KDM2A: variants seen among roughly 807,000 people sequenced by gnomAD.
KDM2A encodes lysine-specific demethylase 2A.
A neutral mutation model predicts 137.3 loss-of-function variants in KDM2A; 3 were observed. That is an observed-to-expected ratio of 0.02 (90% CI 0.01 to 0.06). The LOEUF (loss-of-function observed/expected upper bound fraction) is 0.06, where lower values mean the gene tolerates loss of function less well. KDM2A is among the 10% of genes least tolerant of loss of function. The probability of loss-of-function intolerance (pLI) is 1.00; values close to 1 mark genes in which losing one functional copy is unlikely to be tolerated. For synonymous variants in KDM2A, 512 were observed against 541.5 expected (o/e 0.95, Z 0.76); for missense variants, 738 against 1,510.6 (o/e 0.49, Z 8.48).
At chr11:67,218,638 CTG>C (rs2136400528) in intron 9 of KDM2A, among the ~76,000 whole-genome samples, 1 of 151,872 alleles carries the variant, frequency 6.6e-6, no homozygotes, top group African/African-American at 2.4e-5. Context: ...GAGTCTTGCT[CTG>C]TAGCCTCAGG....
At chr11:67,208,156 T>C (rs1026454963) in intron 6 of KDM2A, among the ~76,000 whole-genome samples, 3 of 152,180 alleles carry the variant, frequency 2.0e-5, no homozygotes, top group East Asian at 1.9e-4. Context: ...TATAAAGATA[T>C]ATTGATATTG....
At chr11:67,183,551 C>G (rs1857135133) in intron 5 of KDM2A, among the ~76,000 whole-genome samples, 1 of 152,176 alleles carries the variant, frequency 6.6e-6, no homozygotes, top group African/African-American at 2.4e-5. Context: ...GTTCAGGAGT[C>G]TATTGAAGGC....
At chr11:67,132,940 A>G (rs915789060) in intron 2 of KDM2A, among the ~76,000 whole-genome samples, 1 of 152,166 alleles carries the variant, frequency 6.6e-6, no homozygotes, top group Non-Finnish European at 1.5e-5. Flanking sequence ...TAGAAATGGA[A>G]AGGAAGAGAT....
At chr11:67,239,930 C>A in intron 12 of KDM2A, 1 of 546,044 alleles carries the variant, frequency 1.8e-6, no homozygotes, top group Non-Finnish European at 2.5e-6. Flanking sequence ...GGGCCTCTTC[C>A]AATCGCGAGG....
At chr11:67,166,174 A>G (rs1231653653) in intron 2 of KDM2A, among the ~76,000 whole-genome samples, 2 of 151,688 alleles carry the variant, frequency 1.3e-5, no homozygotes, top group Non-Finnish European at 2.9e-5. Context: ...TTCAGGAGAA[A>G]CAATATTTCT....
intron 12 of KDM2A, among the ~76,000 whole-genome samples, 173 bp from the exon 13 acceptor site, chr11:67,242,836 T>A (rs1296198512): frequency 6.6e-6 from 1 of 152,158 alleles, no homozygotes; most frequent in Non-Finnish European, 1.5e-5. Flanking sequence ...CTCCTTCACC[T>A]TTGATTTATT....
chr11:67,125,942 CA>C (rs59801773), intron 2 of KDM2A, among the ~76,000 whole-genome samples: 12,161 of 50,492 alleles, frequency 0.24, 1,197 homozygotes, highest in African/African-American at 0.45. Flanking sequence ...GGCTTCACCT[CA>C]AAAAAAAAAA....
chr11:67,155,844 G>A (rs957888946), intron 2 of KDM2A, among the ~76,000 whole-genome samples: 3 of 146,284 alleles, frequency 2.1e-5, no homozygotes, highest in South Asian at 2.2e-4. Flanking sequence ...TGGAACTCCC[G>A]ACCTCAGGTG....
At chr11:67,209,184 C>T (rs919901080) in intron 6 of KDM2A, among the ~76,000 whole-genome samples, 4 of 151,772 alleles carry the variant, frequency 2.6e-5, no homozygotes, top group Admixed American at 6.6e-5. Flanking sequence ...CGACCTGCCT[C>T]GGTCTCCCAA....
At chr11:67,242,616 CAAGT>C (rs1859080279) in intron 12 of KDM2A, among the ~76,000 whole-genome samples, 1 of 152,118 alleles carries the variant, frequency 6.6e-6, no homozygotes, top group East Asian at 1.9e-4. Context: ...AATTAGTACA[CAAGT>C]AAGGGATTGG....
intron 5 of KDM2A, among the ~76,000 whole-genome samples, chr11:67,184,551 C>T (rs941898500): frequency 1.3e-5 from 2 of 152,070 alleles, no homozygotes; most frequent in Admixed American, 6.6e-5. Flanking sequence ...TTGCTTGAAC[C>T]GGGAGGCAGA....
chr11:67,160,253 G>A (rs1457988282), intron 2 of KDM2A, among the ~76,000 whole-genome samples: 2 of 152,114 alleles, frequency 1.3e-5, no homozygotes, highest in African/African-American at 4.8e-5. Context: ...TTGTAGCCTC[G>A]AGGGATCATT....
intron 5 of KDM2A, chr11:67,196,036 A>T (rs575798808): frequency 2.4e-6 from 1 of 410,358 alleles, no homozygotes; most frequent in South Asian, 1.9e-5. Flanking sequence ...TCTCACTTAG[A>T]TGTAATCTTT....
intron 6 of KDM2A, among the ~76,000 whole-genome samples, chr11:67,210,386 ATGAT>A (rs1303646866): frequency 6.6e-6 from 1 of 152,150 alleles, no homozygotes; most frequent in African/African-American, 2.4e-5. Flanking sequence ...GAAAAATAAC[ATGAT>A]TGTAGCTATA....
intron 5 of KDM2A, among the ~76,000 whole-genome samples, chr11:67,199,991 C>A (rs1452039249): frequency 6.6e-6 from 1 of 152,132 alleles, no homozygotes; most frequent in Non-Finnish European, 1.5e-5. Context: ...TTCCAAAATC[C>A]TAGGGCCCTT....
chr11:67,174,506 T>C (rs1856939660), intron 2 of KDM2A, among the ~76,000 whole-genome samples: 1 of 152,162 alleles, frequency 6.6e-6, no homozygotes, highest in African/African-American at 2.4e-5. Context: ...GAATGATTAA[T>C]AGATGAATAC....
rs1858033136 is a variant in KDM2A at position 67,212,805 on chromosome 11, T to C, written c.487-2535T>C. Among the ~76,000 whole-genome samples the C allele has an allele frequency of 3.3e-5, 5 of 152,130 alleles. No homozygotes were observed. The South Asian group carries it at 8.3e-4, about 25-fold the overall frequency. Reference sequence around the variant, plus strand: ...GGTAAAAAAAAAAAAAATACTCATATGTTCTGAACCGTTCCTCTCCCTATT... The same window carrying C: ...GGTAAAAAAAAAAAAAATACTCATACGTTCTGAACCGTTCCTCTCCCTATT... On this transcript the variant is annotated intron_variant, in intron 6 of 20. Transcript: ENST00000529006.
At chr11:67,197,323 A>G (rs1384291371) in intron 5 of KDM2A, among the ~76,000 whole-genome samples, 1 of 152,000 alleles carries the variant, frequency 6.6e-6, no homozygotes, top group African/African-American at 2.4e-5. Flanking sequence ...ACAGGTGGGC[A>G]CCACCATGCC....
chr11:67,178,433 A>G (rs1324964987), intron 2 of KDM2A, among the ~76,000 whole-genome samples: 1 of 152,162 alleles, frequency 6.6e-6, no homozygotes, highest in African/African-American at 2.4e-5. Flanking sequence ...TAAAGTGTAC[A>G]ATCCAGTGGT....
Sources: gnomAD v4.1 joint callset for allele counts (sites outside exome capture counted in the v4.1 genomes callset) on GRCh38, gnomAD v4.1.1 for gene constraint, MANE v1.5 for transcripts, NCBI Gene and HGNC (gene_info 2026-07-23, HGNC 2026-07-21) for gene names.